Variants in FRMD5 observed in about 807,000 individuals in gnomAD.
FRMD5 encodes FERM domain containing 5.
FRMD5 carries 20 observed loss-of-function variants against 69.0 expected under a neutral mutation model. The observed-to-expected ratio is 0.29, with a 90% CI of 0.20 to 0.42. FRMD5 has a LOEUF of 0.42. Among genes scored for constraint, FRMD5 ranks in the 10% least tolerant of loss-of-function variants. The pLI, the probability that FRMD5 is intolerant of heterozygous loss-of-function variation, is 1.00. For missense variants in FRMD5, 595 were observed against 708.6 expected, an observed-to-expected ratio of 0.84 and a Z score of 1.82; for synonymous variants, 271 against 260.1, an observed-to-expected ratio of 1.04 and a Z score of -0.40.
chr15:44,076,499 C>T (rs1341540265), intron 1 of FRMD5, among the ~76,000 whole-genome samples: 2 of 150,622 alleles, frequency 1.3e-5, no homozygotes, highest in African/African-American at 4.9e-5. Context: ...TGGAAATCAT[C>T]ATTCTCAGTA....
At chr15:43,909,273 G>A (rs1045159927) in intron 5 of FRMD5, among the ~76,000 whole-genome samples, 2 of 151,692 alleles carry the variant, frequency 1.3e-5, no homozygotes, top group Middle Eastern at 3.4e-3. Flanking sequence ...GGTGGTGGGC[G>A]CCCGCAGTCC....
chr15:44,046,697 A>G (rs1300548796), intron 1 of FRMD5, among the ~76,000 whole-genome samples: 4 of 152,254 alleles, frequency 2.6e-5, no homozygotes, highest in Non-Finnish European at 5.9e-5. Context: ...AATGGTCACT[A>G]TAATTTTTCT....
chr15:44,028,164 C>A (rs1432757251), intron 1 of FRMD5, among the ~76,000 whole-genome samples: 1 of 152,072 alleles, frequency 6.6e-6, no homozygotes, highest in Non-Finnish European at 1.5e-5. Flanking sequence ...AGTTTATAAG[C>A]GAAAAGTCAT....
At chr15:44,105,489 C>G (rs2076704309) in intron 1 of FRMD5, among the ~76,000 whole-genome samples, 1 of 152,100 alleles carries the variant, frequency 6.6e-6, no homozygotes, top group South Asian at 2.1e-4. Flanking sequence ...CTTGAACTTC[C>G]CAGACTGTGG....
chr15:43,901,032 T>C (rs2089033665), intron 7 of FRMD5, among the ~76,000 whole-genome samples: 2 of 152,156 alleles, frequency 1.3e-5, no homozygotes, highest in Non-Finnish European at 2.9e-5. Flanking sequence ...CAGAGGTAAT[T>C]AAGTTAAACT....
Position 43,873,619 on chromosome 15 carries a change from CA to C in FRMD5, c.*265del, listed in dbSNP as rs1393767843. ...AAATTCAAAACCAAAAATTATCCTG[CA>C]AATTGGAAAGATGAGAAACAGAGTC... On this transcript the variant is annotated 3_prime_UTR_variant, in exon 14 of 14. Coordinates refer to ENST00000417257, the MANE Select transcript of FRMD5 (RefSeq NM_032892.5). The C allele has an allele frequency of 6.8e-7, 1 of 1,462,134 alleles. No homozygotes were observed. The highest frequency in any genetic ancestry group is 1.3e-5 in the South Asian group (1 of 74,148). The allele number at this position is 1,462,134 out of a possible 1,614,324, so 90.6% of individuals were successfully genotyped here.
chr15:43,886,318 C>A (rs1053988501), intron 10 of FRMD5, among the ~76,000 whole-genome samples: 2 of 152,132 alleles, frequency 1.3e-5, no homozygotes, highest in African/African-American at 2.4e-5. Flanking sequence ...AAATACATGA[C>A]CACAGTAAAG....
rs543388087 is a variant in FRMD5, at chr15:44,002,573, G to A, written c.103-78264C>T. 2.4e-4 allele frequency among the ~76,000 whole-genome samples: 37 copies of A among 152,158 alleles called. 1 individual carries two copies. The East Asian group carries it at 4.6e-3, about 19-fold the overall frequency. ...AGGGCTTACAACTCTAAGGGGGTCC[G>A]CGTGAGAGGCTCATGATCAATTGAG... On this transcript the variant is annotated intron_variant, in intron 1 of 13. Coordinates refer to ENST00000417257, the MANE Select transcript of FRMD5 (RefSeq NM_032892.5).
chr15:43,996,605 C>A (rs1056315396), intron 1 of FRMD5, among the ~76,000 whole-genome samples: 2 of 149,878 alleles, frequency 1.3e-5, no homozygotes, highest in Admixed American at 1.3e-4. Flanking sequence ...CTATAAAGTT[C>A]AATTTCACCA....
At chr15:44,076,681 A>C (rs1893784009) in intron 1 of FRMD5, among the ~76,000 whole-genome samples, 1 of 147,856 alleles carries the variant, frequency 6.8e-6, no homozygotes, top group Non-Finnish European at 1.5e-5. Context: ...CTAGATGATG[A>C]GTTAGTGGGT....
chr15:44,029,223 G>A (rs1891570594), intron 1 of FRMD5, among the ~76,000 whole-genome samples: 1 of 152,172 alleles, frequency 6.6e-6, no homozygotes, highest in East Asian at 1.9e-4. Flanking sequence ...AAACAAGTTT[G>A]TAACCTTTAT....
intron 2 of FRMD5, among the ~76,000 whole-genome samples, chr15:43,921,124 C>G (rs907877588): frequency 1.3e-5 from 2 of 152,196 alleles, no homozygotes; most frequent in Non-Finnish European, 2.9e-5. Flanking sequence ...CACCGCGGCT[C>G]AGCTTCACAG....
chr15:43,930,952 G>T (rs541272631), intron 1 of FRMD5, among the ~76,000 whole-genome samples: 1 of 152,372 alleles, frequency 6.6e-6, no homozygotes, highest in Admixed American at 6.5e-5. Context: ...CCTCTGAGCA[G>T]AACTTCAAAC....
chr15:44,016,694 A>G (rs986478477), intron 1 of FRMD5, among the ~76,000 whole-genome samples: 1 of 151,780 alleles, frequency 6.6e-6, no homozygotes, highest in African/African-American at 2.4e-5. Context: ...CTGCACTCCA[A>G]CCTGGGCAAA....
At chr15:44,095,205 TC>T (rs1479487789) in intron 1 of FRMD5, among the ~76,000 whole-genome samples, 1 of 151,448 alleles carries the variant, frequency 6.6e-6, no homozygotes, top group Non-Finnish European at 1.5e-5. Flanking sequence ...ACAATTTCTT[TC>T]TTTTTTTTTT....
At chr15:43,989,710 C>A (rs1889576845) in intron 1 of FRMD5, 2 of 994,736 alleles carry the variant, frequency 2.0e-6, no homozygotes, top group Non-Finnish European at 3.2e-6. Context: ...TGTGGGTGAC[C>A]CCGTCATCGT....
Position 43,962,064 on chromosome 15 carries a change from G to T in FRMD5, c.103-37755C>A, listed in dbSNP as rs553641465. Among the ~76,000 whole-genome samples, 195 of 152,264 alleles carry T rather than the reference G, an allele frequency of 1.3e-3. 2 individuals carry two copies. Among genetic ancestry groups the T allele is most frequent in the Admixed American group, 4.3e-3 (66 of 15,290 alleles). On this transcript the variant is annotated intron_variant, in intron 1 of 13. Coordinates refer to ENST00000417257, the MANE Select transcript of FRMD5 (RefSeq NM_032892.5). The stretch of plus-strand genomic sequence containing the variant: ...TGGAAGTTCTGGCCAGGGCAATCAG[G>T]CAGGAGAAGGAAATAAAGGGCATTC...
At chr15:44,052,616 A>G (rs1467917731) in intron 1 of FRMD5, among the ~76,000 whole-genome samples, 1 of 152,136 alleles carries the variant, frequency 6.6e-6, no homozygotes, top group Non-Finnish European at 1.5e-5. Context: ...AATATTAGAG[A>G]CCAGAAGTCC....
chr15:43,876,753 G>A (rs539304996), intron 13 of FRMD5, among the ~76,000 whole-genome samples: 1 of 152,190 alleles, frequency 6.6e-6, no homozygotes, highest in Non-Finnish European at 1.5e-5. Flanking sequence ...GGGGGCATGG[G>A]AGTAGTCCCT....
Sources: allele counts gnomAD v4.1 joint callset (sites outside exome capture counted in the v4.1 genomes callset), GRCh38; gene constraint gnomAD v4.1.1; transcripts MANE v1.5; gene names NCBI Gene and HGNC (gene_info 2026-07-23, HGNC 2026-07-21).